Variants in COL4A2 observed in about 807,000 individuals in gnomAD.
COL4A2 encodes collagen type IV alpha 2 chain, also known as collagen alpha-2(IV) chain.
COL4A2 carries 99 observed loss-of-function variants against 200.2 expected under a neutral mutation model. The observed-to-expected ratio is 0.49, with a 90% CI of 0.42 to 0.58. The LOEUF is 0.58. COL4A2 is among the 20% of genes least tolerant of loss of function. The pLI, the probability that COL4A2 is intolerant of heterozygous loss-of-function variation, is 0.00. For synonymous variants in COL4A2, 897 were observed against 900.6 expected, an observed-to-expected ratio of 1.00 and a Z score of 0.07; for missense variants, 1,950 against 2,314.1, an observed-to-expected ratio of 0.84 and a Z score of 3.23.
chr13:110,501,713 G>C lies in COL4A2; in HGVS notation c.3806G>C (p.Gly1269Ala). 6.2e-7 allele frequency: 1 copy of C among 1,613,744 alleles called. No individual in the cohort carries two copies. The highest frequency in any genetic ancestry group is 8.5e-7 in the Non-Finnish European group (1 of 1,179,748). ...AGCCCAGGACTTCAGGGGTTCCCTG[G>C]TATCACACCCCCTTCCAACATCTCT... ...PGSPGLQGFP[G>A]ITPPSNISGA... Residue 1269 changes from glycine to alanine, a missense_variant, in exon 41 of 48, where the codon GGT (glycine) becomes GCT (alanine). Coordinates refer to ENST00000360467, the MANE Select transcript of COL4A2 (RefSeq NM_001846.4).
intron 3 of COL4A2, among the ~76,000 whole-genome samples, chr13:110,349,971 C>T (rs1376798005): frequency 1.3e-5 from 2 of 152,116 alleles, no homozygotes; most frequent in Admixed American, 1.3e-4. Context: ...ACCATGTTGG[C>T]CAGGCTGGTC....
chr13:110,318,026 A>AACAGGAG (rs1407799576), intron 3 of COL4A2, among the ~76,000 whole-genome samples: 1 of 152,164 alleles, frequency 6.6e-6, no homozygotes, highest in Non-Finnish European at 1.5e-5. Context: ...CCCATGCGCC[A>AACAGGAG]ACAGGAGGAT....
chr13:110,353,220 G>A (rs1877038898), intron 3 of COL4A2, among the ~76,000 whole-genome samples: 1 of 152,202 alleles, frequency 6.6e-6, no homozygotes, highest in Non-Finnish European at 1.5e-5. Flanking sequence ...GGAAAAACAG[G>A]CCTCACGGAG....
intron 3 of COL4A2, among the ~76,000 whole-genome samples, chr13:110,317,313 A>T (rs12430976): frequency 6.6e-6 from 1 of 151,482 alleles, no homozygotes; most frequent in Non-Finnish European, 1.5e-5. Flanking sequence ...CATAGATGCA[A>T]ATACACAGAG....
At chr13:110,348,754 A>G (rs553509400) in intron 3 of COL4A2, among the ~76,000 whole-genome samples, 2 of 151,810 alleles carry the variant, frequency 1.3e-5, no homozygotes, top group South Asian at 2.1e-4. Flanking sequence ...CACTTGGCGT[A>G]GGTTTTTCAG....
At chr13:110,416,465 C>CGA (rs1880045618) in intron 4 of COL4A2, among the ~76,000 whole-genome samples, 1 of 152,230 alleles carries the variant, frequency 6.6e-6, no homozygotes, top group African/African-American at 2.4e-5. Flanking sequence ...TTGCTAAAAG[C>CGA]ACAGAGGTAA....
intron 12 of COL4A2, chr13:110,436,047 C>G: frequency 1.4e-6 from 1 of 696,188 alleles, no homozygotes; most frequent in Non-Finnish European, 2.5e-6. Context: ...ACCTACATGG[C>G]TTTTATGCAT....
At chr13:110,320,618 G>C (rs544772026) in intron 3 of COL4A2, among the ~76,000 whole-genome samples, 1 of 152,318 alleles carries the variant, frequency 6.6e-6, no homozygotes, top group South Asian at 2.1e-4. Flanking sequence ...GGAAAGTTTA[G>C]TTCCCTCTGA....
chr13:110,425,116 T>A, intron 6 of COL4A2, 119 bp downstream of exon 6: 1 of 1,198,060 alleles, frequency 8.3e-7, no homozygotes, highest in Non-Finnish European at 1.2e-6. Context: ...ATAAAACACG[T>A]GGGGACTATA....
At chr13:110,423,251 T>A (rs550754236) in intron 4 of COL4A2, among the ~76,000 whole-genome samples, 7 of 100,122 alleles carry the variant, frequency 7.0e-5, no homozygotes, top group Admixed American at 1.2e-4. Flanking sequence ...GAGATAGAAC[T>A]TCCCCTCCCC....
chr13:110,432,376 G>T lies in COL4A2; in HGVS notation c.684+16G>T, dbSNP rs1201124487. ...AGGACAGCAAGTAAGTTGGTTTTGG[G>T]GGGTGAGGATGAGGGAAGGGGGTAC... On this transcript the variant is annotated intron_variant, in intron 11 of 47. Coordinates refer to ENST00000360467, the MANE Select transcript of COL4A2 (RefSeq NM_001846.4). 2 of 1,603,220 alleles carry T rather than the reference G, an allele frequency of 1.2e-6. No individual in the cohort carries two copies. The highest frequency in any genetic ancestry group is 1.3e-5 in the African/African-American group (1 of 74,404).
chr13:110,493,061 ACG>A, intron 38 of COL4A2, 148 bp from the exon 39 acceptor site: 73 of 867,088 alleles, frequency 8.4e-5, no homozygotes, highest in South Asian at 3.2e-4. Flanking sequence ...AGGTGAAATA[ACG>A]ATGAGTGACA....
rs376753928 is a variant in COL4A2, at chr13:110,308,263, T to G, written c.99+140T>G. On this transcript the variant is annotated intron_variant, in intron 3 of 47. Transcript: ENST00000360467. ...TGTTCGCCAGGCTGCCCACCAAGGTTCTGAGAAAGCTTGCTCTTCCCTCAT... is the reference window on the plus strand; with the variant it reads ...TGTTCGCCAGGCTGCCCACCAAGGTGCTGAGAAAGCTTGCTCTTCCCTCAT... 6.0e-5 allele frequency: 56 copies of G among 928,590 alleles called. 2 individuals are homozygous for G. The South Asian group carries it at 6.3e-4, about 10-fold the overall frequency. The allele number at this position is 928,590 out of a possible 1,614,324, so 57.5% of individuals were successfully genotyped here.
chr13:110,422,836 C>T (rs1304921721), intron 4 of COL4A2, among the ~76,000 whole-genome samples: 1 of 152,158 alleles, frequency 6.6e-6, no homozygotes, highest in Non-Finnish European at 1.5e-5. Context: ...TGAGATCTTC[C>T]CACACCCCTC....
intron 4 of COL4A2, among the ~76,000 whole-genome samples, chr13:110,420,638 AAG>A (rs1458641185): frequency 6.6e-6 from 1 of 152,374 alleles, no homozygotes; most frequent in Middle Eastern, 3.4e-3. Context: ...AAAGGAAAGA[AAG>A]AGATGAAAAT....
intron 4 of COL4A2, among the ~76,000 whole-genome samples, chr13:110,386,048 G>A (rs61963197): frequency 0.19 from 16,741 of 90,470 alleles, 2,029 homozygotes; most frequent in East Asian, 0.37. Flanking sequence ...GATAGACCGT[G>A]GTTACGTTTT....
chr13:110,505,971 C>G (rs1219483007), intron 45 of COL4A2, among the ~76,000 whole-genome samples: 1 of 152,220 alleles, frequency 6.6e-6, no homozygotes, highest in Non-Finnish European at 1.5e-5. Flanking sequence ...TTTCATGCTA[C>G]TGAGAACAAA....
At chr13:110,414,339 A>G (rs1223844275) in intron 4 of COL4A2, among the ~76,000 whole-genome samples, 1 of 152,250 alleles carries the variant, frequency 6.6e-6, no homozygotes, top group Non-Finnish European at 1.5e-5. Context: ...ACAAGGAAAA[A>G]GAAAAATACA....
At chr13:110,423,260 C>T (rs78656097) in intron 4 of COL4A2, among the ~76,000 whole-genome samples, 5,462 of 152,110 alleles carry the variant, frequency 0.036, 309 homozygotes, top group African/African-American at 0.12. Context: ...CTTCCCCTCC[C>T]CTCCTTTCTC....
Sources: allele counts gnomAD v4.1 joint callset (sites outside exome capture counted in the v4.1 genomes callset), GRCh38; gene constraint gnomAD v4.1.1; transcripts MANE v1.5; gene names NCBI Gene and HGNC (gene_info 2026-07-23, HGNC 2026-07-21).